The following DMD variants were observed in gnomAD, a reference collection of about 807,000 sequenced individuals.
DMD encodes dystrophin.
A neutral mutation model predicts 330.1 loss-of-function variants in DMD; 63 were observed. The ratio of observed to expected loss-of-function variants is 0.19; its 90% CI spans 0.16 to 0.24. The LOEUF is 0.24. Among genes scored for constraint, DMD ranks in the 10% least tolerant of loss-of-function variants. The pLI, the probability that DMD is intolerant of heterozygous loss-of-function variation, is 1.00. For synonymous variants in DMD, 1,223 were observed against 959.8 expected, an observed-to-expected ratio of 1.27 and a Z score of -5.07; for missense variants, 3,344 against 2,684.1, an observed-to-expected ratio of 1.25 and a Z score of -5.43.
At position 31,963,294 on chromosome X, in the gene DMD, A is replaced by G. The variant is rs779771295; in HGVS notation, c.6614+5045T>C. Among the ~76,000 whole-genome samples, 26 of 112,019 alleles carry G rather than the reference A, an allele frequency of 2.3e-4. 1 individual carries two copies. The South Asian group carries it at 9.6e-3, about 41-fold the overall frequency. ...GAATGCCTCCCATTATCTTATTTAC[A>G]CCATTAATTTGCATGGCAAACCAGC... On this transcript the variant is annotated intron_variant, in intron 45 of 78. Transcript: ENST00000357033.
chrX:32,592,501 C>G (rs1223915458), intron 13 of DMD, among the ~76,000 whole-genome samples: 1 of 111,185 alleles, frequency 9.0e-6, no homozygotes, highest in African/African-American at 3.3e-5. Context: ...CTGGGACGAC[C>G]TGCCTGTGGA....
intron 44 of DMD, among the ~76,000 whole-genome samples, chrX:32,175,522 G>A (rs1400663693): frequency 9.0e-6 from 1 of 110,607 alleles, no homozygotes; most frequent in Admixed American, 9.6e-5. Flanking sequence ...GCTGCTGCTC[G>A]CTGTTTGGGT....
rs773503500 is a variant in DMD at position 32,541,917 on chromosome X, A to G, written c.2168+3242T>C. ...CTAGACACACAGGCAATGAATTATA[A>G]CTAAAATATGTGTGCAATGTATAAG... On this transcript the variant is annotated intron_variant, in intron 17 of 78. Transcript: ENST00000357033. Among the ~76,000 whole-genome samples the G allele has an allele frequency of 4.0e-4, 45 of 112,174 alleles. No individual in the cohort carries two copies. In the South Asian group the frequency reaches 0.017, roughly 42 times the overall value.
At chrX:31,453,775 A>AAAAAAAAAAAAAAAAAAAC (rs2065943455) in intron 59 of DMD, among the ~76,000 whole-genome samples, 2 of 103,116 alleles carry the variant, frequency 1.9e-5, no homozygotes, top group African/African-American at 3.5e-5. Context: ...CAAAAAAAAA[A>AAAAAAAAAAAAAAAAAAAC]AAAAAAAAAA....
At chrX:31,989,661 A>G (rs1354573243) in intron 44 of DMD, among the ~76,000 whole-genome samples, 2 of 111,684 alleles carry the variant, frequency 1.8e-5, no homozygotes, top group South Asian at 3.8e-4. Flanking sequence ...GGAAAAAAAC[A>G]TAAAGAGAGG....
intron 17 of DMD, among the ~76,000 whole-genome samples, chrX:32,544,412 C>T (rs756767986): frequency 1.1e-4 from 12 of 111,467 alleles, no homozygotes; most frequent in Middle Eastern, 4.7e-3. Flanking sequence ...TAAAAACATA[C>T]GGCAGATTTT....
intron 21 of DMD, among the ~76,000 whole-genome samples, chrX:32,480,437 A>ACG (rs2041742386): frequency 5.6e-5 from 6 of 107,414 alleles, no homozygotes; most frequent in Non-Finnish European, 1.1e-4. Context: ...GTATGTGTCT[A>ACG]TGTGTGTACA....
At chrX:32,962,219 T>C (rs1480165466) in intron 2 of DMD, among the ~76,000 whole-genome samples, 5 of 111,896 alleles carry the variant, frequency 4.5e-5, no homozygotes, top group African/African-American at 6.5e-5. Flanking sequence ...GCTAGTACTA[T>C]ATTCACATTA....
intron 2 of DMD, among the ~76,000 whole-genome samples, chrX:32,964,786 T>C (rs931734603): frequency 1.8e-5 from 2 of 112,174 alleles, no homozygotes; most frequent in Non-Finnish European, 3.8e-5. Flanking sequence ...GTAAAAACAG[T>C]ATATCATTGT....
intron 27 of DMD, among the ~76,000 whole-genome samples, chrX:32,442,868 G>A (rs1025111154): frequency 2.2e-4 from 24 of 110,741 alleles, no homozygotes; most frequent in African/African-American, 7.8e-4. Flanking sequence ...TATGTTGGGT[G>A]AAAGACAAAG....
intron 46 of DMD, among the ~76,000 whole-genome samples, 173 bp from the exon 47 acceptor site, chrX:31,929,918 C>T (rs1394381184): frequency 9.0e-6 from 1 of 111,505 alleles, no homozygotes; most frequent in Admixed American, 9.6e-5. Flanking sequence ...GACTGAAACA[C>T]TCACCCCCTC....
chrX:32,195,845 T>C (rs921896), intron 44 of DMD, among the ~76,000 whole-genome samples: 44,442 of 110,201 alleles, frequency 0.4, 6,722 homozygotes, highest in Middle Eastern at 0.53. Context: ...TCATAGTTTG[T>C]CTCGTGTGGT....
chrX:32,845,910 G>C (rs2080615320), intron 3 of DMD, among the ~76,000 whole-genome samples: 1 of 112,090 alleles, frequency 8.9e-6, no homozygotes, highest in South Asian at 3.7e-4. Context: ...ATTTACAAGA[G>C]AATTCGACAT....
chrX:31,648,350 T>C (rs2080223787), intron 54 of DMD, among the ~76,000 whole-genome samples: 2 of 107,734 alleles, frequency 1.9e-5, no homozygotes, highest in South Asian at 8.1e-4. Flanking sequence ...AAATAGAAAA[T>C]CAAAAAGGCA....
At chrX:31,178,367 A>G in intron 70 of DMD, 1 of 953,819 alleles carries the variant, frequency 1.0e-6, no homozygotes, top group South Asian at 3.9e-5. Flanking sequence ...GGAATCACTC[A>G]TTTGTAAACA....
chrX:31,270,139 G>A (rs1024626296), intron 62 of DMD, among the ~76,000 whole-genome samples: 4 of 109,740 alleles, frequency 3.6e-5, no homozygotes, highest in African/African-American at 6.6e-5. Flanking sequence ...CACCAGTTAC[G>A]CAAACCATTC....
In DMD at chrX:31,736,323, T is replaced by C. The variant is rs187062922; in HGVS notation, c.7543-6575A>G. 1.2e-3 allele frequency among the ~76,000 whole-genome samples: 131 copies of C among 111,585 alleles called. 1 individual carries two copies. The highest frequency in any genetic ancestry group is 3.8e-3 in the African/African-American group (116 of 30,735). ...TAGAAGTGGTTCCAAGGTGGGACTG[T>C]CATCACTATCAATGGTTATTGGAGA... On this transcript the variant is annotated intron_variant, in intron 51 of 78. Coordinates refer to ENST00000357033, the MANE Select transcript of DMD (RefSeq NM_004006.3).
At chrX:32,597,271 T>C (rs1213966780) in intron 12 of DMD, among the ~76,000 whole-genome samples, 2 of 111,905 alleles carry the variant, frequency 1.8e-5, no homozygotes, top group Non-Finnish European at 1.9e-5. Flanking sequence ...CACTACTCAA[T>C]AATTTCTTAT....
chrX:31,286,831 C>T (rs778575744), intron 62 of DMD, among the ~76,000 whole-genome samples: 1 of 112,297 alleles, frequency 8.9e-6, no homozygotes, highest in East Asian at 2.8e-4. Flanking sequence ...GCGGCGTGAT[C>T]TCGGCTCACT....
Sources: gnomAD v4.1 joint callset for allele counts (sites outside exome capture counted in the v4.1 genomes callset) on GRCh38, gnomAD v4.1.1 for gene constraint, MANE v1.5 for transcripts, NCBI Gene and HGNC (gene_info 2026-07-23, HGNC 2026-07-21) for gene names.